The following ZNF475 variants were observed in gnomAD, a reference collection of about 807,000 sequenced individuals.
ZNF475 encodes the protein zinc finger protein 475.
At chr5:122,179,210 CTTAG>C in the ZNF475 span, among the ~76,000 whole-genome samples, 2 of 152,074 alleles carry the variant, frequency 1.3e-5, no homozygotes, top group Non-Finnish European at 2.9e-5. Context: ...TTAGGATTGT[CTTAG>C]TTATACGAGC....
At chr5:122,168,779 G>A in the ZNF475 span, among the ~76,000 whole-genome samples, 1 of 152,216 alleles carries the variant, frequency 6.6e-6, no homozygotes, top group Non-Finnish European at 1.5e-5. Flanking sequence ...TCAAAGATAT[G>A]AAGTCCTCAT....
chr5:122,160,227 C>T, the ZNF475 span: 1 of 1,289,752 alleles, frequency 7.8e-7, no homozygotes, highest in Non-Finnish European at 1.0e-6. Flanking sequence ...ATTCTATGAT[C>T]CCATGGCTCT....
chr5:122,175,185 C>T, the ZNF475 span, among the ~76,000 whole-genome samples: 39 of 152,054 alleles, frequency 2.6e-4, no homozygotes, highest in African/African-American at 8.4e-4. Context: ...CTTTTTGCTT[C>T]GTCTATGTTA....
chr5:122,163,304 G>A, the ZNF475 span: 1 of 152,198 alleles, frequency 6.6e-6, no homozygotes, highest in East Asian at 1.9e-4. Context: ...AATAAAGCAT[G>A]TAAAGTGTTT....
chr5:122,174,297 A>G, the ZNF475 span, among the ~76,000 whole-genome samples: 1 of 152,268 alleles, frequency 6.6e-6, no homozygotes, highest in Non-Finnish European at 1.5e-5. Context: ...CAGCTGGGGC[A>G]GTGGCAATAA....
the ZNF475 span, among the ~76,000 whole-genome samples, chr5:122,166,581 G>C: frequency 6.6e-6 from 1 of 152,052 alleles, no homozygotes; most frequent in Non-Finnish European, 1.5e-5. Flanking sequence ...CTATGAGTGA[G>C]AACATGCGGT....
At chr5:122,176,233 C>A in the ZNF475 span, among the ~76,000 whole-genome samples, 5 of 152,134 alleles carry the variant, frequency 3.3e-5, no homozygotes, top group Non-Finnish European at 7.3e-5. Context: ...TAAATATTCT[C>A]CCAAGAATTT....
chr5:122,170,861 A>T, the ZNF475 span, among the ~76,000 whole-genome samples: 7,043 of 152,112 alleles, frequency 0.046, 282 homozygotes, highest in South Asian at 0.1. Context: ...AAAGACATTC[A>T]TCACTCCCGG....
At chr5:122,177,916 C>T in the ZNF475 span, among the ~76,000 whole-genome samples, 2 of 151,946 alleles carry the variant, frequency 1.3e-5, no homozygotes, top group African/African-American at 4.8e-5. Flanking sequence ...CCCAACAGGC[C>T]CCAGTGTGTG....
chr5:122,162,037 T>G, the ZNF475 span, among the ~76,000 whole-genome samples: 6 of 151,920 alleles, frequency 3.9e-5, no homozygotes, highest in African/African-American at 1.5e-4. Flanking sequence ...TAGACCAAAT[T>G]AGAGTCTATT....
chr5:122,170,602 G>T, the ZNF475 span, among the ~76,000 whole-genome samples: 1 of 152,132 alleles, frequency 6.6e-6, no homozygotes, highest in Non-Finnish European at 1.5e-5. Context: ...CAATGGATTT[G>T]CCAACATGGA....
At chr5:122,168,223 T>C in the ZNF475 span, among the ~76,000 whole-genome samples, 2 of 152,174 alleles carry the variant, frequency 1.3e-5, no homozygotes, top group African/African-American at 2.4e-5. Context: ...TTTTGTATTT[T>C]TGTAGAGATG....
chr5:122,167,834 CT>C, the ZNF475 span, among the ~76,000 whole-genome samples: 2 of 152,316 alleles, frequency 1.3e-5, no homozygotes, highest in African/African-American at 4.8e-5. Context: ...CAGGCAACCA[CT>C]AATCTACAGA....
the ZNF475 span, among the ~76,000 whole-genome samples, chr5:122,180,798 G>C: frequency 1.3e-5 from 2 of 152,242 alleles, no homozygotes; most frequent in African/African-American, 4.8e-5. Context: ...TAGATTGTAT[G>C]ATAAATTCTA....
chr5:122,180,580 T>C, the ZNF475 span, among the ~76,000 whole-genome samples: 2 of 152,218 alleles, frequency 1.3e-5, no homozygotes, highest in Admixed American at 6.5e-5. Context: ...TTTACCATTG[T>C]CATTTTCTCA....
the ZNF475 span, among the ~76,000 whole-genome samples, chr5:122,172,442 C>T: frequency 6.6e-6 from 1 of 152,174 alleles, no homozygotes; most frequent in Admixed American, 6.5e-5. Flanking sequence ...AAGTTTGGCT[C>T]TGTCTAAAGG....
chr5:122,164,868 G>A, the ZNF475 span, among the ~76,000 whole-genome samples: 1 of 152,084 alleles, frequency 6.6e-6, no homozygotes, highest in East Asian at 1.9e-4. Flanking sequence ...AAAGTGAATG[G>A]GCTCAGCACA....
At chr5:122,182,568 G>A in the ZNF475 span, 3 of 1,535,474 alleles carry the variant, frequency 2.0e-6, no homozygotes, top group African/African-American at 1.4e-5. Context: ...TCCCTGTAAT[G>A]TTTGTGGGCG....
chr5:122,172,650 C>A, the ZNF475 span, among the ~76,000 whole-genome samples: 1 of 152,242 alleles, frequency 6.6e-6, no homozygotes, highest in South Asian at 2.1e-4. Context: ...GGATCACATT[C>A]TCTGAACTCC....
Sources: gnomAD v4.1 joint callset for allele counts (sites outside exome capture counted in the v4.1 genomes callset) on GRCh38, gnomAD v4.1.1 for gene constraint, MANE v1.5 for transcripts, NCBI Gene and HGNC (gene_info 2026-07-23, HGNC 2026-07-21) for gene names.